The following CENPS variants were observed in gnomAD, a reference collection of about 807,000 sequenced individuals.
CENPS encodes the protein centromere protein S, also known as FANCM associated histone fold protein 1.
CENPS carries 16 observed loss-of-function variants against 17.9 expected under a neutral mutation model. The observed-to-expected ratio is 0.90, with a 90% CI of 0.61 to 1.36. The LOEUF (loss-of-function observed/expected upper bound fraction) is 1.36, where lower values mean the gene tolerates loss of function less well. Ranked by LOEUF, CENPS falls within the 40% of genes most tolerant of loss-of-function variation. CENPS has a pLI of 0.00. For synonymous variants in CENPS, 49 were observed against 55.8 expected, an observed-to-expected ratio of 0.88 and a Z score of 0.54; for missense variants, 160 against 158.6, an observed-to-expected ratio of 1.01 and a Z score of -0.05.
chr1:10,432,925 T>C (rs1570022788), intron 1 of CENPS, among the ~76,000 whole-genome samples: 2 of 152,266 alleles, frequency 1.3e-5, no homozygotes, highest in African/African-American at 4.8e-5. Context: ...TTACCTAGTC[T>C]TGTGAGGTCT....
At position 10,436,227 on chromosome 1, in the gene CENPS, C is replaced by T. The variant is rs529994552; in HGVS notation, c.209+1537C>T. ...TCCTGACCTCAAGTGATTTGCCTGCCTCAGTCTCCCAAAGTGCTAGGATTA... is the reference window on the plus strand; with the variant it reads ...TCCTGACCTCAAGTGATTTGCCTGCTTCAGTCTCCCAAAGTGCTAGGATTA... On this transcript the variant is annotated intron_variant, in intron 3 of 4. Coordinates refer to ENST00000309048, the MANE Select transcript of CENPS (RefSeq NM_199294.3). Among the ~76,000 whole-genome samples the T allele has an allele frequency of 3.7e-4, 56 of 151,744 alleles. 2 individuals are homozygous for T. The South Asian group carries it at 0.011, about 30-fold the overall frequency.
Position 10,442,255 on chromosome 1 carries a change from T to G in CENPS, c.277-10T>G. 6.3e-7 allele frequency: 1 copy of G among 1,580,252 alleles called. No homozygotes were observed. The highest frequency in any genetic ancestry group is 2.3e-5 in the East Asian group (1 of 43,566). The stretch of plus-strand genomic sequence containing the variant: ...ACAGCCAGATATAAATACAGATTTT[T>G]TTTTTATAGCTAAAATACATCACAG... On this transcript the variant is annotated splice_polypyrimidine_tract_variant and intron_variant, in intron 4 of 4. Coordinates refer to ENST00000309048, the MANE Select transcript of CENPS (RefSeq NM_199294.3).
chr1:10,434,423 A>G (rs1188035477), intron 2 of CENPS, among the ~76,000 whole-genome samples: 1 of 152,182 alleles, frequency 6.6e-6, no homozygotes, highest in Non-Finnish European at 1.5e-5. Context: ...TTAACGGAAG[A>G]CTTGCCATGA....
intron 3 of CENPS, among the ~76,000 whole-genome samples, chr1:10,438,487 C>G (rs575776610): frequency 6.6e-6 from 1 of 152,160 alleles, no homozygotes; most frequent in Non-Finnish European, 1.5e-5. Context: ...TCTCTAGTCT[C>G]CTAGTATTGT....
intron 2 of CENPS, among the ~76,000 whole-genome samples, chr1:10,434,218 A>G (rs1640049935): frequency 6.6e-6 from 1 of 152,234 alleles, no homozygotes; most frequent in South Asian, 2.1e-4. Flanking sequence ...AACTGCCCTG[A>G]TGGCTAGAAC....
chr1:10,430,667 C>T lies in CENPS; in HGVS notation c.51+99C>T, dbSNP rs543205516. ...GCCCCCGGCGGCTTCTCATCGGCAC[C>T]CCGCCCCCGGGCGCCCCCCGCGGCT... On this transcript the variant is annotated intron_variant, in intron 1 of 4. Transcript: ENST00000309048. 1.4e-5 allele frequency: 20 copies of T among 1,452,848 alleles called. No individual in the cohort carries two copies. The East Asian group carries it at 4.3e-4, about 31-fold the overall frequency. 90.0% of individuals were successfully genotyped at this position (1,452,848 alleles called of 1,614,324 possible). A position where few individuals can be genotyped will look rare whatever the true frequency, so the allele number is the denominator to read the frequency against.
intron 4 of CENPS, among the ~76,000 whole-genome samples, chr1:10,441,827 G>A (rs569581394): frequency 1.4e-3 from 213 of 150,892 alleles, no homozygotes; most frequent in South Asian, 0.01. Context: ...GGGTTTCACC[G>A]TGTTAGCCAG....
intron 3 of CENPS, among the ~76,000 whole-genome samples, chr1:10,438,985 CA>C (rs200541838): frequency 0.037 from 5,618 of 152,160 alleles, 129 homozygotes; most frequent in South Asian, 0.097. Context: ...GCTTTTATGT[CA>C]CCTCTGTCTT....
chr1:10,441,692 C>G (rs1289362027), intron 4 of CENPS, among the ~76,000 whole-genome samples: 1 of 129,110 alleles, frequency 7.7e-6, no homozygotes, highest in Admixed American at 9.9e-5. Flanking sequence ...GTGGCGTGAT[C>G]TCGGCTCACT....
At chr1:10,435,708 T>TACACACACACACACACACACAC (rs1334818968) in intron 3 of CENPS, among the ~76,000 whole-genome samples, 3 of 143,782 alleles carry the variant, frequency 2.1e-5, no homozygotes, top group African/African-American at 7.7e-5. Context: ...AAATAATATA[T>TACACACACACACACACACACAC]ATATATATAC....
At chr1:10,435,055 C>T (rs1174045942) in intron 3 of CENPS, among the ~76,000 whole-genome samples, 2 of 152,160 alleles carry the variant, frequency 1.3e-5, no homozygotes, top group African/African-American at 2.4e-5. Flanking sequence ...GGGGTGGCCG[C>T]CCCTCTGCGG....
chr1:10,434,838 A>G (rs947052738), intron 3 of CENPS, 148 bp downstream of exon 3: 5 of 1,176,332 alleles, frequency 4.3e-6, no homozygotes, highest in South Asian at 2.0e-5. Context: ...CTGCAAGAAC[A>G]TGACGCCTCC....
chr1:10,436,377 C>T lies in CENPS; in HGVS notation c.209+1687C>T, dbSNP rs535829042. Among the ~76,000 whole-genome samples, 10 of 151,662 alleles carry T rather than the reference C, an allele frequency of 6.6e-5. 1 individual carries two copies. The East Asian group carries it at 1.6e-3, about 24-fold the overall frequency. On this transcript the variant is annotated intron_variant, in intron 3 of 4. Coordinates refer to ENST00000309048, the MANE Select transcript of CENPS (RefSeq NM_199294.3). The stretch of plus-strand genomic sequence containing the variant: ...GTGTGTGTGACTTAGACCATAAGCT[C>T]CACAAGGAAGGGCGACATCTTTTAT...
rs1404025894 is a variant in CENPS at position 10,431,837 on chromosome 1, G to A, written c.51+1269G>A. On this transcript the variant is annotated intron_variant, in intron 1 of 4. Coordinates refer to ENST00000309048, the MANE Select transcript of CENPS (RefSeq NM_199294.3). Reference sequence around the variant, plus strand: ...CCATTGCACTCCAGCCTGGGTGACAGAGCGAGACTCCATCTCAGAAAAAAA... The same window carrying A: ...CCATTGCACTCCAGCCTGGGTGACAAAGCGAGACTCCATCTCAGAAAAAAA... 1.1e-4 allele frequency among the ~76,000 whole-genome samples: 8 copies of A among 71,098 alleles called. No individual in the cohort carries two copies. The Admixed American group carries it at 1.2e-3, about 11-fold the overall frequency. 46.6% of individuals were successfully genotyped at this position (71,098 alleles called of 152,430 possible).
chr1:10,434,563 C>T (rs187986778), intron 2 of CENPS, 94 bp from the exon 3 acceptor site: 4 of 1,562,474 alleles, frequency 2.6e-6, no homozygotes, highest in East Asian at 2.3e-5. Context: ...AGTCAAGTCA[C>T]TGTACTGGCT....
At chr1:10,439,518 G>A (rs924663612) in intron 3 of CENPS, among the ~76,000 whole-genome samples, 1 of 152,084 alleles carries the variant, frequency 6.6e-6, no homozygotes. Context: ...GAGGCAGCTG[G>A]ATCATGAGGT....
rs146074778 is a variant in CENPS at position 10,434,544 on chromosome 1, T to G, written c.176-113T>G. 1,022 of 1,482,194 alleles carry G rather than the reference T, an allele frequency of 6.9e-4. 9 individuals are homozygous for G. In the East Asian group the frequency reaches 0.021, roughly 30 times the overall value. The allele number at this position is 1,482,194 out of a possible 1,614,324, so 91.8% of individuals were successfully genotyped here. A position where few individuals can be genotyped will look rare whatever the true frequency, so the allele number is the denominator to read the frequency against. On this transcript the variant is annotated intron_variant, in intron 2 of 4. Transcript: ENST00000309048. Reference sequence around the variant, plus strand: ...GCCTCCTTTCACCTTTAAGAGGGTTTGTTATATTAGTCAAGTCACTGTACT... The same window carrying G: ...GCCTCCTTTCACCTTTAAGAGGGTTGGTTATATTAGTCAAGTCACTGTACT...
At chr1:10,436,230 A>C (rs1308791872) in intron 3 of CENPS, among the ~76,000 whole-genome samples, 1 of 150,670 alleles carries the variant, frequency 6.6e-6, no homozygotes, top group African/African-American at 2.4e-5. Context: ...TGCCTGCCTC[A>C]GTCTCCCAAA....
Position 10,431,079 on chromosome 1 carries a change from A to G in CENPS, c.51+511A>G. The G allele has an allele frequency of 3.6e-6, 5 of 1,379,832 alleles. No individual in the cohort carries two copies. In the South Asian group the frequency reaches 4.7e-5, roughly 13 times the overall value. The allele number at this position is 1,379,832 out of a possible 1,614,324, so 85.5% of individuals were successfully genotyped here. Reference sequence around the variant, plus strand: ...CGAATCTCTGCCCCGCCAACTTGTGATCGTATCGACTCGGCCCAGACGCAA... The same window carrying G: ...CGAATCTCTGCCCCGCCAACTTGTGGTCGTATCGACTCGGCCCAGACGCAA... On this transcript the variant is annotated intron_variant, in intron 1 of 4. Transcript: ENST00000309048.
Sources: allele counts gnomAD v4.1 joint callset (sites outside exome capture counted in the v4.1 genomes callset), GRCh38; gene constraint gnomAD v4.1.1; transcripts MANE v1.5; gene names NCBI Gene and HGNC (gene_info 2026-07-23, HGNC 2026-07-21).